CEP112: variants seen among roughly 807,000 people sequenced by gnomAD.
The protein encoded by CEP112 is centrosomal protein of 112 kDa.
In CEP112, 127 loss-of-function variants were observed where a neutral mutation model predicts 153.0. That is an observed-to-expected ratio of 0.83 (90% CI 0.72 to 0.96). The LOEUF (loss-of-function observed/expected upper bound fraction) is 0.96. Among genes scored for constraint, CEP112 ranks in the 40% least tolerant of loss-of-function variants. The probability of loss-of-function intolerance (pLI) is 0.00; values close to 1 mark genes in which losing one functional copy is unlikely to be tolerated. For missense variants in CEP112, 1,089 were observed against 1,101.2 expected, an observed-to-expected ratio of 0.99 and a Z score of 0.16; for synonymous variants, 358 against 374.4, an observed-to-expected ratio of 0.96 and a Z score of 0.51.
chr17:65,758,081 G>C (rs900105953), intron 21 of CEP112, among the ~76,000 whole-genome samples: 1 of 152,122 alleles, frequency 6.6e-6, no homozygotes, highest in African/African-American at 2.4e-5. Context: ...GGATCCCTCA[G>C]CATCGCAAGT....
intron 22 of CEP112, 135 bp downstream of exon 22, chr17:65,750,527 C>T (rs2051759503): frequency 1.5e-6 from 1 of 665,226 alleles, no homozygotes; most frequent in Non-Finnish European, 2.7e-6. Context: ...TTTGTATACC[C>T]ATAAAAATAT....
intron 24 of CEP112, among the ~76,000 whole-genome samples, chr17:65,658,534 G>C (rs2046177963): frequency 6.6e-6 from 1 of 152,232 alleles, no homozygotes; most frequent in Non-Finnish European, 1.5e-5. Context: ...CAGGGAGTTG[G>C]TCTGGGTGTA....
chr17:65,731,580 A>G (rs2050510211), intron 23 of CEP112, among the ~76,000 whole-genome samples: 2 of 152,138 alleles, frequency 1.3e-5, no homozygotes, highest in African/African-American at 4.8e-5. Context: ...CACTGCACCA[A>G]TTGACTTGCT....
chr17:65,823,366 A>C (rs2056685985), intron 21 of CEP112, among the ~76,000 whole-genome samples: 1 of 152,216 alleles, frequency 6.6e-6, no homozygotes, highest in African/African-American at 2.4e-5. Flanking sequence ...CAGAAAGTCC[A>C]CTAGTAGGCC....
intron 17 of CEP112, among the ~76,000 whole-genome samples, chr17:65,997,779 C>A (rs1359076643): frequency 3.9e-5 from 2 of 50,902 alleles, no homozygotes. Flanking sequence ...TTTATACACA[C>A]ACCCTAAACA....
intron 8 of CEP112, among the ~76,000 whole-genome samples, chr17:66,072,151 C>T (rs555495885): frequency 2.6e-5 from 4 of 152,220 alleles, no homozygotes; most frequent in African/African-American, 7.2e-5. Context: ...TAAATGCATA[C>T]ATATTACTTC....
intron 16 of CEP112, among the ~76,000 whole-genome samples, chr17:66,010,574 G>A (rs2064478080): frequency 6.6e-6 from 1 of 152,144 alleles, no homozygotes; most frequent in Non-Finnish European, 1.5e-5. Flanking sequence ...TGCCCACTCA[G>A]TATTACGTTG....
chr17:66,082,632 G>A (rs115239588), intron 8 of CEP112, among the ~76,000 whole-genome samples: 6,947 of 151,944 alleles, frequency 0.046, 205 homozygotes, highest in South Asian at 0.07. Context: ...ATGTCATGGC[G>A]TGTGCCTGTA....
chr17:66,122,048 C>G (rs1232296253), intron 6 of CEP112, among the ~76,000 whole-genome samples: 2 of 152,100 alleles, frequency 1.3e-5, no homozygotes, highest in Non-Finnish European at 2.9e-5. Flanking sequence ...GTGTGCACCA[C>G]CATGCCCAAA....
At chr17:66,129,668 A>G (rs1357583331) in intron 6 of CEP112, 78 bp downstream of exon 6, 10 of 1,031,310 alleles carry the variant, frequency 9.7e-6, no homozygotes, top group African/African-American at 1.6e-5. Flanking sequence ...GAATAAAATC[A>G]AATTAGTTCA....
chr17:66,042,588 A>G (rs1178401250), intron 12 of CEP112, among the ~76,000 whole-genome samples: 1 of 152,166 alleles, frequency 6.6e-6, no homozygotes, highest in Non-Finnish European at 1.5e-5. Flanking sequence ...AACCAAGAGG[A>G]AAGTAAGGAG....
intron 24 of CEP112, chr17:65,688,284 G>A (rs2047917375): frequency 6.6e-6 from 1 of 152,166 alleles, no homozygotes; most frequent in South Asian, 2.1e-4. Flanking sequence ...TGATGACATA[G>A]CAGACACTGT....
rs1346073787 is a variant in CEP112, at chr17:66,051,997, T to A, written c.1218+1739A>T. ...TGTGTTCAGAACATTTACTTTAGCA[T>A]ACAGATGGGCAAAATCATCTAACAC... On this transcript the variant is annotated intron_variant, in intron 12 of 26. Transcript: ENST00000535342. Among the ~76,000 whole-genome samples the A allele has an allele frequency of 2.6e-5, 4 of 152,350 alleles. No individual in the cohort carries two copies. In the East Asian group the frequency reaches 7.7e-4, roughly 29 times the overall value.
intron 21 of CEP112, among the ~76,000 whole-genome samples, chr17:65,850,237 T>C (rs962423154): frequency 2.0e-5 from 3 of 151,962 alleles, no homozygotes; most frequent in South Asian, 2.1e-4. Flanking sequence ...TATTTTATCC[T>C]GCTGTGAGGG....
At chr17:65,825,811 T>C (rs930695408) in intron 21 of CEP112, among the ~76,000 whole-genome samples, 1 of 152,208 alleles carries the variant, frequency 6.6e-6, no homozygotes, top group African/African-American at 2.4e-5. Context: ...TCACTTTTTC[T>C]TGGGCTACAG....
chr17:66,151,529 G>A (rs1434398948), intron 4 of CEP112, among the ~76,000 whole-genome samples: 1 of 152,198 alleles, frequency 6.6e-6, no homozygotes, highest in Non-Finnish European at 1.5e-5. Context: ...CGACAAAAGT[G>A]ATAAGCTATA....
intron 8 of CEP112, among the ~76,000 whole-genome samples, chr17:66,083,191 G>A (rs1376403536): frequency 6.6e-5 from 10 of 152,190 alleles, no homozygotes; most frequent in South Asian, 6.2e-4. Context: ...GATTTTCCTC[G>A]TGCTGTTCTC....
At chr17:65,804,167 T>C (rs1209523055) in intron 21 of CEP112, among the ~76,000 whole-genome samples, 2 of 152,170 alleles carry the variant, frequency 1.3e-5, no homozygotes, top group East Asian at 3.8e-4. Flanking sequence ...TAAAAATGTG[T>C]TTCGTCTGGT....
chr17:66,022,421 G>C (rs986350220), intron 16 of CEP112, among the ~76,000 whole-genome samples: 3 of 152,012 alleles, frequency 2.0e-5, no homozygotes, highest in Non-Finnish European at 4.4e-5. Context: ...TGAAATGCTA[G>C]ATAAAGGCCA....
Sources: gnomAD v4.1 joint callset for allele counts (sites outside exome capture counted in the v4.1 genomes callset) on GRCh38, gnomAD v4.1.1 for gene constraint, MANE v1.5 for transcripts, NCBI Gene and HGNC (gene_info 2026-07-23, HGNC 2026-07-21) for gene names.